PRKD1: variants seen among roughly 807,000 people sequenced by gnomAD.
The protein encoded by PRKD1 is serine/threonine-protein kinase D1.
PRKD1 carries 63 observed loss-of-function variants against 95.9 expected under a neutral mutation model. That is an observed-to-expected ratio of 0.66 (90% CI 0.54 to 0.81). PRKD1 has a LOEUF of 0.81. Ranked by LOEUF, PRKD1 falls within the 30% of genes least tolerant of loss-of-function variation. The pLI, the probability that PRKD1 is intolerant of heterozygous loss-of-function variation, is 0.00. For synonymous variants in PRKD1, 425 were observed against 423.1 expected (o/e 1.00, Z -0.05); for missense variants, 1,048 against 1,165.3 (o/e 0.90, Z 1.47).
chr14:29,639,640 T>TA (rs199647132), intron 4 of PRKD1, among the ~76,000 whole-genome samples: 4,168 of 147,976 alleles, frequency 0.028, 171 homozygotes, highest in African/African-American at 0.092. Flanking sequence ...AATAAATAAA[T>TA]AATAAAAGAA....
chr14:29,661,672 A>G (rs1451307562), intron 4 of PRKD1, among the ~76,000 whole-genome samples: 1 of 152,216 alleles, frequency 6.6e-6, no homozygotes, highest in Admixed American at 6.5e-5. Context: ...TGTTTAAAAC[A>G]TGATTCTGAG....
At chr14:29,717,947 A>G (rs1885706166) in intron 2 of PRKD1, among the ~76,000 whole-genome samples, 1 of 152,100 alleles carries the variant, frequency 6.6e-6, no homozygotes, top group Non-Finnish European at 1.5e-5. Flanking sequence ...TCCTCCCTGG[A>G]GAATCCATTT....
chr14:29,895,690 C>T (rs754826700), intron 1 of PRKD1, among the ~76,000 whole-genome samples: 6 of 152,306 alleles, frequency 3.9e-5, no homozygotes, highest in Admixed American at 1.3e-4. Context: ...CGCTGCTGTC[C>T]TGCAAGCACT....
At chr14:29,856,110 T>C (rs1200999602) in intron 1 of PRKD1, among the ~76,000 whole-genome samples, 2 of 152,134 alleles carry the variant, frequency 1.3e-5, no homozygotes, top group Non-Finnish European at 2.9e-5. Flanking sequence ...ACAAAGAATA[T>C]TGCATCCGAT....
At chr14:29,661,659 C>T (rs1882198842) in intron 4 of PRKD1, among the ~76,000 whole-genome samples, 2 of 152,124 alleles carry the variant, frequency 1.3e-5, no homozygotes, top group African/African-American at 2.4e-5. Flanking sequence ...AAGGGCTTTG[C>T]TGTGTTTAAA....
chr14:29,593,262 TG>T (rs1425815644), intron 16 of PRKD1, among the ~76,000 whole-genome samples: 1 of 152,218 alleles, frequency 6.6e-6, no homozygotes, highest in Non-Finnish European at 1.5e-5. Context: ...TCCATTTTAC[TG>T]GAAACACCAT....
intron 1 of PRKD1, among the ~76,000 whole-genome samples, chr14:29,881,696 C>T (rs1594599397): frequency 6.6e-6 from 1 of 152,106 alleles, no homozygotes; most frequent in African/African-American, 2.4e-5. Flanking sequence ...GATCCCATCC[C>T]ATGGACTTTC....
Position 29,624,183 on chromosome 14 carries a change from C to T in PRKD1, c.1874G>A (p.Ser625Asn). The T allele has an allele frequency of 1.2e-6, 2 of 1,604,508 alleles. No homozygotes were observed. The highest frequency in any genetic ancestry group is 1.7e-6 in the Non-Finnish European group (2 of 1,175,006). ...AATTGCAACCTCATTACGAAGCTGG[C>T]TTTCTTGTTTTGTTGGAAATCGTAA... The part of the protein sequence containing the change: ...DKLRFPTKQE[S>N]QLRNEVAILQ... Residue 625 changes from serine to asparagine, a missense_variant, in exon 13 of 18, where the codon AGC (serine) becomes AAC (asparagine). By Grantham distance (46) the Ser-to-Asn change is conservative (BLOSUM62 1). Coordinates refer to ENST00000331968, the MANE Select transcript of PRKD1 (RefSeq NM_002742.3).
intron 14 of PRKD1, 33 bp downstream of exon 14, chr14:29,599,623 T>C (rs932943393): frequency 1.9e-6 from 3 of 1,574,564 alleles, no homozygotes; most frequent in African/African-American, 2.7e-5. Context: ...ATATTAAATA[T>C]TGTATTTTTT....
intron 1 of PRKD1, among the ~76,000 whole-genome samples, chr14:29,867,726 T>C (rs978962913): frequency 1.3e-5 from 2 of 152,210 alleles, no homozygotes; most frequent in Non-Finnish European, 2.9e-5. Flanking sequence ...CCAGGGGGTA[T>C]CTGCAGGAAG....
At chr14:29,717,715 T>G (rs1357256147) in intron 2 of PRKD1, among the ~76,000 whole-genome samples, 1 of 152,164 alleles carries the variant, frequency 6.6e-6, no homozygotes, top group Non-Finnish European at 1.5e-5. Context: ...AGAAATATTA[T>G]TTATTTAAAA....
chr14:29,925,070 A>G (rs1223040537), intron 1 of PRKD1, among the ~76,000 whole-genome samples: 1 of 152,194 alleles, frequency 6.6e-6, no homozygotes, highest in Non-Finnish European at 1.5e-5. Flanking sequence ...ACCTAAAAAA[A>G]AAGTGAGATC....
intron 2 of PRKD1, among the ~76,000 whole-genome samples, chr14:29,721,295 A>G (rs551331142): frequency 8.5e-5 from 13 of 152,366 alleles, no homozygotes; most frequent in Admixed American, 3.3e-4. Flanking sequence ...CTATAATGAA[A>G]GAAGCCCAAG....
At chr14:29,812,126 T>C (rs887311929) in intron 1 of PRKD1, 1 of 152,212 alleles carries the variant, frequency 6.6e-6, no homozygotes. Context: ...ATATCTTAGC[T>C]ATGATACTAA....
intron 1 of PRKD1, among the ~76,000 whole-genome samples, chr14:29,878,834 T>C (rs1290935015): frequency 6.6e-6 from 1 of 152,152 alleles, no homozygotes; most frequent in Non-Finnish European, 1.5e-5. Flanking sequence ...AATTAGATAA[T>C]CATGATGGTG....
chr14:29,679,954 A>ATT (rs1883445910), intron 2 of PRKD1, among the ~76,000 whole-genome samples: 1 of 152,068 alleles, frequency 6.6e-6, no homozygotes, highest in African/African-American at 2.4e-5. Context: ...TTAGGTAGAA[A>ATT]CACAGTGGAA....
intron 4 of PRKD1, chr14:29,656,417 T>C (rs772047364): frequency 2.8e-6 from 4 of 1,442,778 alleles, no homozygotes; most frequent in South Asian, 1.2e-5. Flanking sequence ...CAGCGTAATA[T>C]GCTGGTTTGA....
chr14:29,735,435 C>T (rs753175908), intron 1 of PRKD1, among the ~76,000 whole-genome samples: 1 of 152,126 alleles, frequency 6.6e-6, no homozygotes, highest in African/African-American at 2.4e-5. Context: ...CTTTCCTAAA[C>T]CTTGGGTAGC....
chr14:29,676,186 T>TTTTTTTTGTTTTTTTTTTG (rs1351518362), intron 2 of PRKD1, among the ~76,000 whole-genome samples: 1 of 119,010 alleles, frequency 8.4e-6, no homozygotes, highest in African/African-American at 3.6e-5. Context: ...CGTTTTTGTT[T>TTTTTTTTGTTTTTTTTTTG]TTTTTTTTTT....
Sources: gnomAD v4.1 joint callset for allele counts (sites outside exome capture counted in the v4.1 genomes callset) on GRCh38, gnomAD v4.1.1 for gene constraint, MANE v1.5 for transcripts, NCBI Gene and HGNC (gene_info 2026-07-23, HGNC 2026-07-21) for gene names.